The following IMPG1 variants were observed in gnomAD, a reference collection of about 807,000 sequenced individuals.
IMPG1 encodes interphotoreceptor matrix proteoglycan of 150 kDa.
Under a neutral mutation model 92.0 loss-of-function variants are expected in IMPG1, and 85 were observed. The observed-to-expected ratio is 0.92, with a 90% CI of 0.78 to 1.11. The LOEUF is 1.11. Among genes scored for constraint, IMPG1 ranks in the 50% least tolerant of loss-of-function variants. The pLI, the probability that IMPG1 is intolerant of heterozygous loss-of-function variation, is 0.00. For missense variants in IMPG1, 1,022 were observed against 956.0 expected (o/e 1.07, Z -0.91); for synonymous variants, 367 against 334.1 (o/e 1.10, Z -1.08).
chr6:76,034,916 T>TA (rs1783711873), intron 2 of IMPG1, 129 bp from the exon 3 acceptor site: 1 of 730,364 alleles, frequency 1.4e-6, no homozygotes, highest in South Asian at 2.1e-5. Context: ...CTCTAAAAGT[T>TA]AATTCATTTA....
chr6:75,937,022 G>A (rs1781757827), intron 14 of IMPG1, among the ~76,000 whole-genome samples: 1 of 152,154 alleles, frequency 6.6e-6, no homozygotes, highest in Admixed American at 6.5e-5. Flanking sequence ...TCTAGTGAAG[G>A]CAAATGTCAA....
At chr6:75,970,713 T>G (rs957681477) in intron 12 of IMPG1, among the ~76,000 whole-genome samples, 2 of 152,192 alleles carry the variant, frequency 1.3e-5, no homozygotes, top group Non-Finnish European at 2.9e-5. Context: ...TAATATGGAT[T>G]TGACATGCAA....
chr6:75,924,684 T>TCATATAA (rs1203507658), intron 15 of IMPG1, among the ~76,000 whole-genome samples: 775 of 4,728 alleles, frequency 0.16, 243 homozygotes, highest in African/African-American at 0.44. Flanking sequence ...ATATTATATA[T>TCATATAA]TATATATAAA....
chr6:75,947,402 A>T lies in IMPG1; in HGVS notation c.1956T>A (p.Ala652=), dbSNP rs78305682. ...AKSVPYNLTK[A]VHGVLEDFRS... Reference sequence around the variant, plus strand: ...GAAAATCCTCCAAGACCCCGTGCACAGCCTTGGTGAGGTTATACGGCACTG... The same window carrying T: ...GAAAATCCTCCAAGACCCCGTGCACTGCCTTGGTGAGGTTATACGGCACTG... Residue 652 remains alanine (A), a synonymous_variant, in exon 14 of 17, where the codon GCT becomes GCA. Transcript: ENST00000369950. The T allele has an allele frequency of 1.8e-3, 2,919 of 1,613,928 alleles. 45 individuals are homozygous for T. The African/African-American group carries it at 0.032, about 18-fold the overall frequency.
chr6:75,993,011 A>G (rs1582091112), intron 12 of IMPG1, among the ~76,000 whole-genome samples: 1 of 152,196 alleles, frequency 6.6e-6, no homozygotes, highest in African/African-American at 2.4e-5. Context: ...ATTGTTCACT[A>G]TTTCATATGT....
At chr6:76,056,810 TG>T (rs1470219299) in intron 1 of IMPG1, among the ~76,000 whole-genome samples, 1 of 152,166 alleles carries the variant, frequency 6.6e-6, no homozygotes, top group African/African-American at 2.4e-5. Context: ...GCCATTTTTA[TG>T]TCTTATTTGG....
At chr6:76,051,761 C>A (rs1194183735) in intron 1 of IMPG1, among the ~76,000 whole-genome samples, 1 of 152,124 alleles carries the variant, frequency 6.6e-6, no homozygotes, top group Non-Finnish European at 1.5e-5. Context: ...GTAATCCCTG[C>A]TGAGGATAAA....
chr6:75,998,053 A>C (rs1782929702), intron 12 of IMPG1, among the ~76,000 whole-genome samples: 1 of 152,224 alleles, frequency 6.6e-6, no homozygotes, highest in Admixed American at 6.5e-5. Context: ...CACAAGAAAA[A>C]ATAACTGTGT....
chr6:76,042,894 C>G (rs750859241), intron 1 of IMPG1, among the ~76,000 whole-genome samples: 12 of 152,090 alleles, frequency 7.9e-5, no homozygotes, highest in Non-Finnish European at 1.8e-4. Flanking sequence ...TCATCAAACA[C>G]TTTTTAATTT....
chr6:75,966,543 C>T (rs981921709), intron 12 of IMPG1, among the ~76,000 whole-genome samples: 3 of 152,256 alleles, frequency 2.0e-5, no homozygotes, highest in East Asian at 1.9e-4. Flanking sequence ...GCAGGACCCT[C>T]GACCTTGGAC....
intron 4 of IMPG1, 52 bp from the exon 5 acceptor site, chr6:76,025,310 C>G (rs1027417592): frequency 3.2e-6 from 3 of 943,524 alleles, no homozygotes; most frequent in South Asian, 1.4e-5. Flanking sequence ...AACTTGATGA[C>G]AGTAGAGAAC....
chr6:75,954,584 GTTTC>G (rs1400824626), intron 12 of IMPG1, among the ~76,000 whole-genome samples: 3 of 152,110 alleles, frequency 2.0e-5, no homozygotes, highest in African/African-American at 7.2e-5. Flanking sequence ...TCTGATGATA[GTTTC>G]TTTTGCTGTG....
intron 14 of IMPG1, among the ~76,000 whole-genome samples, chr6:75,940,649 C>G (rs1020962387): frequency 1.3e-5 from 2 of 152,076 alleles, no homozygotes; most frequent in African/African-American, 4.8e-5. Context: ...AAAAGAAAAA[C>G]AAGACACCAA....
At chr6:76,028,089 A>G (rs1001055610) in intron 4 of IMPG1, among the ~76,000 whole-genome samples, 3 of 152,208 alleles carry the variant, frequency 2.0e-5, no homozygotes, top group Admixed American at 1.3e-4. Context: ...TATGTTCCAA[A>G]ATTCTATGGG....
intron 14 of IMPG1, among the ~76,000 whole-genome samples, chr6:75,937,513 T>C (rs1781766417): frequency 1.3e-5 from 2 of 152,194 alleles, no homozygotes; most frequent in Non-Finnish European, 2.9e-5. Context: ...CGTTTGGTAA[T>C]AGTTTGACCA....
At chr6:76,060,776 T>C (rs2127597681) in intron 1 of IMPG1, among the ~76,000 whole-genome samples, 1 of 152,272 alleles carries the variant, frequency 6.6e-6, no homozygotes, top group South Asian at 2.1e-4. Context: ...TTTTCTACCC[T>C]TAAGCAAGAA....
At chr6:76,059,814 G>T (rs1784175139) in intron 1 of IMPG1, among the ~76,000 whole-genome samples, 1 of 152,256 alleles carries the variant, frequency 6.6e-6, no homozygotes, top group African/African-American at 2.4e-5. Context: ...CTAAATGATT[G>T]TTAACATAAT....
At chr6:75,924,982 G>A (rs1781526977) in intron 15 of IMPG1, among the ~76,000 whole-genome samples, 1 of 150,632 alleles carries the variant, frequency 6.6e-6, no homozygotes, top group African/African-American at 2.4e-5. Context: ...GGAGGGAGGA[G>A]GGTATCATGG....
intron 12 of IMPG1, among the ~76,000 whole-genome samples, chr6:75,989,999 A>G (rs999526357): frequency 6.6e-6 from 1 of 152,212 alleles, no homozygotes; most frequent in Non-Finnish European, 1.5e-5. Context: ...TTGTTACCTT[A>G]AATATATACG....
Sources: gnomAD v4.1 joint callset for allele counts (sites outside exome capture counted in the v4.1 genomes callset) on GRCh38, gnomAD v4.1.1 for gene constraint, MANE v1.5 for transcripts, NCBI Gene and HGNC (gene_info 2026-07-23, HGNC 2026-07-21) for gene names.